Variants in GRM7 observed in about 807,000 individuals in gnomAD.
GRM7 encodes the protein metabotropic glutamate receptor 7.
GRM7 carries 35 observed loss-of-function variants against 84.5 expected under a neutral mutation model. That is an observed-to-expected ratio of 0.41 (90% CI 0.32 to 0.55). The LOEUF is 0.55. Among genes scored for constraint, GRM7 ranks in the 20% least tolerant of loss-of-function variants. The pLI is 0.19. For missense variants in GRM7, 1,003 were observed against 1,194.6 expected (o/e 0.84, Z 2.36); for synonymous variants, 487 against 455.1 (o/e 1.07, Z -0.89).
At chr3:7,354,874 G>T (rs1408842269) in intron 4 of GRM7, among the ~76,000 whole-genome samples, 1 of 152,154 alleles carries the variant, frequency 6.6e-6, no homozygotes, top group African/African-American at 2.4e-5. Context: ...CTTTAAACTG[G>T]CAAGGCCAGC....
Position 7,379,729 on chromosome 3 carries a change from C to G in GRM7, c.1034-35294C>G, listed in dbSNP as rs184258006. ...GATATTTTAAATATAAAACCAACCA[C>G]TTTTGGGAACATGTTTTACATATGT... On this transcript the variant is annotated intron_variant, in intron 4 of 9. Transcript: ENST00000357716. Among the ~76,000 whole-genome samples, 325 of 152,180 alleles carry G rather than the reference C, an allele frequency of 2.1e-3. 1 individual carries two copies. The highest frequency in any genetic ancestry group is 3.4e-3 in the Non-Finnish European group (234 of 68,002).
chr3:7,005,456 G>A (rs144115466), intron 1 of GRM7, among the ~76,000 whole-genome samples: 1 of 152,284 alleles, frequency 6.6e-6, no homozygotes, highest in African/African-American at 2.4e-5. Context: ...AGTTCTGAAA[G>A]CCTCTCAAAG....
intron 1 of GRM7, among the ~76,000 whole-genome samples, chr3:7,012,963 C>G (rs1575129061): frequency 1.3e-5 from 2 of 152,214 alleles, no homozygotes; most frequent in Middle Eastern, 6.8e-3. Context: ...TGGTCTCGAA[C>G]TTCTGGCTTT....
At chr3:7,146,343 A>G in intron 1 of GRM7, 109 bp from the exon 2 acceptor site, 2 of 828,820 alleles carry the variant, frequency 2.4e-6, no homozygotes, top group South Asian at 1.5e-5. Flanking sequence ...CAAAACATGT[A>G]TCTCCTTTGC....
intron 5 of GRM7, among the ~76,000 whole-genome samples, chr3:7,432,321 TTTTG>T (rs1204487037): frequency 6.6e-6 from 1 of 152,144 alleles, no homozygotes; most frequent in African/African-American, 2.4e-5. Context: ...ATCTAGTTGT[TTTTG>T]TTTGTTTGTT....
At chr3:6,883,511 C>T (rs1205962396) in intron 1 of GRM7, among the ~76,000 whole-genome samples, 3 of 152,032 alleles carry the variant, frequency 2.0e-5, no homozygotes. Flanking sequence ...ATGATTTATT[C>T]CCTCTGAAAG....
chr3:7,475,627 C>G (rs1056729528), intron 7 of GRM7, among the ~76,000 whole-genome samples: 1 of 152,110 alleles, frequency 6.6e-6, no homozygotes, highest in Non-Finnish European at 1.5e-5. Flanking sequence ...AGTGTCATCA[C>G]CACTTGAGGT....
chr3:7,437,737 G>A (rs1697118466), intron 5 of GRM7, among the ~76,000 whole-genome samples: 1 of 151,572 alleles, frequency 6.6e-6, no homozygotes, highest in African/African-American at 2.4e-5. Context: ...CCTACATCCA[G>A]CCCGCCTCTC....
At chr3:7,086,465 A>G (rs1176624577) in intron 1 of GRM7, among the ~76,000 whole-genome samples, 2 of 152,182 alleles carry the variant, frequency 1.3e-5, no homozygotes, top group Admixed American at 6.6e-5. Flanking sequence ...TAAAGTAGTA[A>G]GTGAGAACAT....
At chr3:7,449,925 C>T (rs1198925087) in intron 5 of GRM7, among the ~76,000 whole-genome samples, 1 of 151,766 alleles carries the variant, frequency 6.6e-6, no homozygotes, top group Non-Finnish European at 1.5e-5. Flanking sequence ...ATTCAAAATC[C>T]AGAAGTATTA....
chr3:7,198,491 T>C (rs548633555), intron 2 of GRM7, among the ~76,000 whole-genome samples: 122 of 152,300 alleles, frequency 8.0e-4, no homozygotes, highest in African/African-American at 2.8e-3. Context: ...CCTTGACTTA[T>C]AATGGGGTTA....
intron 8 of GRM7, among the ~76,000 whole-genome samples, chr3:7,678,261 T>C (rs1700218916): frequency 6.6e-6 from 1 of 152,108 alleles, no homozygotes; most frequent in Non-Finnish European, 1.5e-5. Flanking sequence ...CAAATATACA[T>C]AAGCATATAT....
In GRM7 at chr3:7,018,325, T is replaced by C. The variant is rs145323120; in HGVS notation, c.520-128127T>C. ...TGGAAGTGATTCCAGAGATTTGGAA[T>C]AAAGAGTAGAATTACAGAGAAGTGG... On this transcript the variant is annotated intron_variant, in intron 1 of 9. Coordinates refer to ENST00000357716, the MANE Select transcript of GRM7 (RefSeq NM_000844.4). Among the ~76,000 whole-genome samples the C allele has an allele frequency of 1.1e-3, 165 of 152,372 alleles. 2 individuals are homozygous for C. The highest frequency in any genetic ancestry group is 3.7e-3 in the African/African-American group (154 of 41,592).
rs563705235 is a variant in GRM7 at position 7,371,198 on chromosome 3, G to A, written c.1034-43825G>A. On this transcript the variant is annotated intron_variant, in intron 4 of 9. Coordinates refer to ENST00000357716, the MANE Select transcript of GRM7 (RefSeq NM_000844.4). ...AGATTGCAGACCACAATAGAGTGAC[G>A]TAGAAGAAAAGTGTTGTAGCCGTGG... 3.9e-5 allele frequency among the ~76,000 whole-genome samples: 6 copies of A among 152,246 alleles called. 1 individual carries two copies. In the South Asian group the frequency reaches 6.2e-4, roughly 16 times the overall value.
chr3:7,094,713 G>A (rs1698792421), intron 1 of GRM7, among the ~76,000 whole-genome samples: 1 of 152,084 alleles, frequency 6.6e-6, no homozygotes, highest in Non-Finnish European at 1.5e-5. Flanking sequence ...GTAACTTGGG[G>A]AAAAGTAATT....
intron 1 of GRM7, among the ~76,000 whole-genome samples, chr3:6,865,534 C>T (rs1378258113): frequency 2.9e-5 from 4 of 139,980 alleles, no homozygotes; most frequent in Non-Finnish European, 6.2e-5. Context: ...TGAATGGCAT[C>T]TGATTCAGGT....
intron 7 of GRM7, among the ~76,000 whole-genome samples, chr3:7,567,450 T>G (rs932451352): frequency 6.6e-6 from 1 of 151,976 alleles, no homozygotes; most frequent in African/African-American, 2.4e-5. Flanking sequence ...CAGCAAATGT[T>G]TTAAGACCCA....
chr3:7,507,303 G>A (rs1325969311), intron 7 of GRM7, among the ~76,000 whole-genome samples: 1 of 152,140 alleles, frequency 6.6e-6, no homozygotes, highest in African/African-American at 2.4e-5. Context: ...TGTCTGGTCA[G>A]GACACAGCTA....
chr3:7,263,595 G>A (rs1698521121), intron 2 of GRM7, among the ~76,000 whole-genome samples: 1 of 152,196 alleles, frequency 6.6e-6, no homozygotes, highest in African/African-American at 2.4e-5. Context: ...TGAGGGTGGG[G>A]CGCTGGTGGG....
Sources: allele counts gnomAD v4.1 joint callset (sites outside exome capture counted in the v4.1 genomes callset), GRCh38; gene constraint gnomAD v4.1.1; transcripts MANE v1.5; gene names NCBI Gene and HGNC (gene_info 2026-07-23, HGNC 2026-07-21).